TYW1B: variants seen among roughly 807,000 people sequenced by gnomAD.
TYW1B encodes tRNA-yW synthesizing protein 1 homolog B.
In TYW1B, 73 loss-of-function variants were observed where a neutral mutation model predicts 86.9. That is an observed-to-expected ratio of 0.84 (90% CI 0.70 to 1.02). TYW1B has a LOEUF of 1.02. Among genes scored for constraint, TYW1B ranks in the 50% least tolerant of loss-of-function variants. The probability of loss-of-function intolerance (pLI) is 0.00; values close to 1 mark genes in which losing one functional copy is unlikely to be tolerated. For synonymous variants in TYW1B, 248 were observed against 292.8 expected (o/e 0.85, Z 1.56); for missense variants, 637 against 827.4 (o/e 0.77, Z 2.82).
intron 7 of TYW1B, among the ~76,000 whole-genome samples, chr7:72,759,920 A>G (rs1322079648): frequency 6.6e-6 from 1 of 152,214 alleles, no homozygotes; most frequent in Non-Finnish European, 1.5e-5. Context: ...AGAACTAGAT[A>G]GATGTTTATA....
intron 13 of TYW1B, among the ~76,000 whole-genome samples, chr7:72,614,582 G>A (rs1190621940): frequency 2.0e-5 from 3 of 151,304 alleles, no homozygotes; most frequent in African/African-American, 4.9e-5. Context: ...GCAGTGAGCC[G>A]AGGTTGCGTC....
chr7:72,601,721 C>A (rs528229949), intron 13 of TYW1B, among the ~76,000 whole-genome samples: 3 of 103,382 alleles, frequency 2.9e-5, no homozygotes, highest in Admixed American at 1.1e-4. Context: ...GGAAAATGCA[C>A]GAAAGAATCT....
At chr7:72,701,730 T>G (rs782520782) in intron 10 of TYW1B, among the ~76,000 whole-genome samples, 2 of 152,202 alleles carry the variant, frequency 1.3e-5, no homozygotes, top group Non-Finnish European at 2.9e-5. Flanking sequence ...ATTTTGTAAA[T>G]CCGATATTCA....
At chr7:72,825,757 T>C (rs1224291170) in intron 2 of TYW1B, among the ~76,000 whole-genome samples, 2 of 152,182 alleles carry the variant, frequency 1.3e-5, no homozygotes, top group Admixed American at 1.3e-4. Context: ...CCATCCTTTT[T>C]TCCCTATTCC....
intron 8 of TYW1B, among the ~76,000 whole-genome samples, chr7:72,730,503 C>A (rs1787083269): frequency 1.6e-5 from 2 of 128,812 alleles, no homozygotes; most frequent in Non-Finnish European, 3.2e-5. Flanking sequence ...AATTTGAAGA[C>A]AGGACTTTTG....
intron 12 of TYW1B, among the ~76,000 whole-genome samples, chr7:72,627,454 CAGTAA>C (rs1386301741): frequency 8.7e-4 from 85 of 97,636 alleles, no homozygotes; most frequent in Admixed American, 2.1e-3. Flanking sequence ...TCTCAAAAAA[CAGTAA>C]CATAACATAA....
Position 72,604,444 on chromosome 7 carries a change from A to G in TYW1B, c.1785+12228T>C, listed in dbSNP as rs188105931. ...GCCACTGCACTCCAATCTGGGCGAC[A>G]GAGTGAGACTCTGTCTCAAAAAATA... On this transcript the variant is annotated intron_variant, in intron 13 of 13. Transcript: ENST00000620995. 7.5e-4 allele frequency among the ~76,000 whole-genome samples: 114 copies of G among 152,280 alleles called. 2 individuals carry two copies. The East Asian group carries it at 0.021, about 28-fold the overall frequency.
intron 12 of TYW1B, among the ~76,000 whole-genome samples, chr7:72,627,109 C>T (rs1812364763): frequency 6.6e-6 from 1 of 151,988 alleles, no homozygotes; most frequent in Non-Finnish European, 1.5e-5. Flanking sequence ...CCTGGAATGC[C>T]CTTACCCCAG....
At chr7:72,749,150 A>G (rs1283182465) in intron 7 of TYW1B, among the ~76,000 whole-genome samples, 3 of 152,174 alleles carry the variant, frequency 2.0e-5, no homozygotes, top group African/African-American at 4.8e-5. Flanking sequence ...TTGAGTTTTA[A>G]TAAGTTATAG....
intron 11 of TYW1B, among the ~76,000 whole-genome samples, chr7:72,666,058 A>C (rs1467352124): frequency 6.6e-6 from 1 of 152,204 alleles, no homozygotes; most frequent in East Asian, 1.9e-4. Flanking sequence ...TGCACATAGT[A>C]TGATTATAAC....
intron 9 of TYW1B, among the ~76,000 whole-genome samples, chr7:72,717,642 T>C (rs1554456436): frequency 8.3e-6 from 1 of 120,522 alleles, no homozygotes; most frequent in African/African-American, 3.3e-5. Flanking sequence ...TCAGCTGTGC[T>C]TGACACACAC....
At chr7:72,774,881 A>G (rs1412970199) in intron 7 of TYW1B, among the ~76,000 whole-genome samples, 2 of 152,200 alleles carry the variant, frequency 1.3e-5, no homozygotes, top group Admixed American at 1.3e-4. Flanking sequence ...AGCTGATCCA[A>G]AAATGACAAA....
intron 6 of TYW1B, among the ~76,000 whole-genome samples, chr7:72,784,089 T>A (rs1428724864): frequency 2.0e-5 from 3 of 152,132 alleles, no homozygotes; most frequent in Non-Finnish European, 2.9e-5. Context: ...TTAGTCTTTG[T>A]CTGCTTAGCC....
At chr7:72,687,726 T>A (rs561833309) in intron 11 of TYW1B, among the ~76,000 whole-genome samples, 17 of 152,086 alleles carry the variant, frequency 1.1e-4, no homozygotes, top group Non-Finnish European at 2.2e-4. Flanking sequence ...ATGATAAAAG[T>A]TGGCATAATT....
At chr7:72,798,035 A>G (rs1383379905) in intron 6 of TYW1B, among the ~76,000 whole-genome samples, 11,200 of 83,300 alleles carry the variant, frequency 0.13, 759 homozygotes, top group East Asian at 0.4. Flanking sequence ...ACACACACAC[A>G]CACGCACACA....
intron 12 of TYW1B, among the ~76,000 whole-genome samples, chr7:72,628,660 C>CT (rs1265364787): frequency 6.6e-6 from 1 of 152,056 alleles, no homozygotes. Flanking sequence ...CATCCTCCCA[C>CT]TAAAATACTA....
chr7:72,656,338 T>C (rs1813203506), intron 11 of TYW1B, among the ~76,000 whole-genome samples: 1 of 151,904 alleles, frequency 6.6e-6, no homozygotes, highest in African/African-American at 2.4e-5. Context: ...TCCATAAAAT[T>C]GGAAGAAGGG....
chr7:72,617,148 T>C (rs183116038), intron 12 of TYW1B, among the ~76,000 whole-genome samples: 70 of 150,482 alleles, frequency 4.7e-4, no homozygotes, highest in African/African-American at 1.7e-3. Context: ...AGCATGTCTT[T>C]TGATTCAGAT....
At chr7:72,806,321 C>T (rs1788494248) in intron 5 of TYW1B, among the ~76,000 whole-genome samples, 1 of 149,774 alleles carries the variant, frequency 6.7e-6, no homozygotes, top group Non-Finnish European at 1.5e-5. Flanking sequence ...CTGTGACCTC[C>T]ACCTCCCGGG....
Sources: gnomAD v4.1 joint callset for allele counts (sites outside exome capture counted in the v4.1 genomes callset) on GRCh38, gnomAD v4.1.1 for gene constraint, MANE v1.5 for transcripts, NCBI Gene and HGNC (gene_info 2026-07-23, HGNC 2026-07-21) for gene names.